ZZEF1: variants seen among roughly 807,000 people sequenced by gnomAD.
The protein encoded by ZZEF1 is zinc finger ZZ-type and EF-hand domain containing 1.
A neutral mutation model predicts 342.8 loss-of-function variants in ZZEF1; 157 were observed. That is an observed-to-expected ratio of 0.46 (90% CI 0.40 to 0.52). ZZEF1 has a LOEUF of 0.52. Ranked by LOEUF, ZZEF1 falls within the 20% of genes least tolerant of loss-of-function variation. ZZEF1 has a pLI of 0.00. For missense variants in ZZEF1, 3,480 were observed against 3,725.6 expected (o/e 0.93, Z 1.72); for synonymous variants, 1,505 against 1,429.1 (o/e 1.05, Z -1.20).
intron 4 of ZZEF1, 96 bp from the exon 5 acceptor site, chr17:4,112,904 A>G: frequency 9.1e-7 from 1 of 1,101,926 alleles, no homozygotes. Flanking sequence ...CATTTGATAT[A>G]TCCAAAGACT....
rs1188563262 is a variant in ZZEF1, at chr17:4,122,358, C to A, written c.499+1549G>T. On this transcript the variant is annotated intron_variant, in intron 2 of 54. Coordinates refer to ENST00000381638, the MANE Select transcript of ZZEF1 (RefSeq NM_015113.4). Reference sequence around the variant, plus strand: ...GTCTGAGCTCCCCCCCAAAAAAATACAAAAACACAGGCCATGTCTTTTCTT... The same window carrying A: ...GTCTGAGCTCCCCCCCAAAAAAATAAAAAAACACAGGCCATGTCTTTTCTT... Among the ~76,000 whole-genome samples the A allele has an allele frequency of 3.1e-4, 47 of 151,250 alleles. 1 individual carries two copies. Among genetic ancestry groups the A allele is most frequent in the Admixed American group, 3.1e-3 (47 of 15,202 alleles).
In ZZEF1 at chr17:4,008,773, G is replaced by T. The variant is rs1031097721; in HGVS notation, c.8805+110C>A. The T allele has an allele frequency of 1.4e-6, 2 of 1,472,988 alleles. No homozygotes were observed. The highest frequency in any genetic ancestry group is 1.8e-6 in the Non-Finnish European group (2 of 1,108,948). The allele number at this position is 1,472,988 out of a possible 1,614,324, so 91.2% of individuals were successfully genotyped here. ...TGGAACAAGCTCTGTGTAAGCTCCG[G>T]GTGGATTCTGTCCTACTCAGACGCA... On this transcript the variant is annotated intron_variant, in intron 54 of 54. Transcript: ENST00000381638. This position sits in a 1 kb window ranked among gnomAD's most constrained non-coding sequence, Gnocchi z 4.2.
intron 18 of ZZEF1, among the ~76,000 whole-genome samples, chr17:4,080,851 G>A (rs115004190): frequency 0.011 from 1,696 of 152,146 alleles, 28 homozygotes; most frequent in African/African-American, 0.04. Flanking sequence ...TGTTTTTATC[G>A]TTTGCTGACT....
chr17:4,081,028 G>C (rs755556832), intron 18 of ZZEF1, among the ~76,000 whole-genome samples: 1 of 152,028 alleles, frequency 6.6e-6, no homozygotes, highest in Non-Finnish European at 1.5e-5. Context: ...CTTGATTCCA[G>C]GAGTTCAAGA....
At chr17:4,074,084 G>C in intron 24 of ZZEF1, 66 bp downstream of exon 24, 1 of 1,572,446 alleles carries the variant, frequency 6.4e-7, no homozygotes, top group South Asian at 1.1e-5. Context: ...ACCTACAAGA[G>C]GGCAAGCGCG....
chr17:4,038,295 T>C (rs1332656651), intron 39 of ZZEF1, among the ~76,000 whole-genome samples: 1 of 152,204 alleles, frequency 6.6e-6, no homozygotes, highest in Non-Finnish European at 1.5e-5. Flanking sequence ...AGGCCAAGTT[T>C]GGCCTGCATT....
At chr17:4,038,757 G>C (rs949311949) in intron 39 of ZZEF1, among the ~76,000 whole-genome samples, 21 of 152,098 alleles carry the variant, frequency 1.4e-4, no homozygotes, top group African/African-American at 4.8e-4. Flanking sequence ...AGTGAGCCGA[G>C]ATTGCTCCAC....
intron 1 of ZZEF1, among the ~76,000 whole-genome samples, chr17:4,130,119 A>G (rs1240342994): frequency 6.6e-6 from 1 of 152,174 alleles, no homozygotes; most frequent in African/African-American, 2.4e-5. Flanking sequence ...TACCTCTATA[A>G]CAAAACTGCA....
In ZZEF1 at chr17:4,123,975, C is replaced by T. The variant is rs771405770; in HGVS notation, c.431G>A (p.Ser144Asn). Reference sequence around the variant, plus strand: ...CAGCTCCCCCTGAAGATTAGCTCCACTGGAATTCTTGAGGGCCTCCAACAT... The same window carrying T: ...CAGCTCCCCCTGAAGATTAGCTCCATTGGAATTCTTGAGGGCCTCCAACAT... ...ENMLEALKNSSGANLQGELSH... is the reference protein window; with the variant it reads ...ENMLEALKNSNGANLQGELSH... Residue 144 changes from serine to asparagine, a missense_variant, in exon 2 of 55, where the codon AGT becomes AAT. By Grantham distance (46) the Ser-to-Asn change is conservative. This residue lies in a region of ZZEF1 where 416 missense variants were observed against 374.2 expected (regional missense o/e 1.11). Transcript: ENST00000381638. The T allele has an allele frequency of 6.2e-7, 1 of 1,613,904 alleles. No homozygotes were observed. Among genetic ancestry groups the T allele is most frequent in the Admixed American group, 1.7e-5 (1 of 59,968 alleles).
chr17:4,082,592 A>C, intron 16 of ZZEF1, 88 bp from the exon 17 acceptor site: 1 of 1,238,834 alleles, frequency 8.1e-7, no homozygotes, highest in South Asian at 1.3e-5. Flanking sequence ...TCACCACCCC[A>C]CTGTTCTCAA....
At chr17:4,111,453 T>C (rs551156703) in intron 5 of ZZEF1, among the ~76,000 whole-genome samples, 1 of 152,112 alleles carries the variant, frequency 6.6e-6, no homozygotes, top group Admixed American at 6.5e-5. Flanking sequence ...AGGTCAGTAG[T>C]TCGAGACCAG....
rs1433127974 is a variant in ZZEF1, at chr17:4,142,667, G to A, written c.229C>T (p.Arg77Cys). Residue 77 changes from arginine to cysteine, a missense_variant, in exon 1 of 55, where the codon CGC becomes TGC. Arg to Cys is a radical substitution (Grantham distance 180). This residue lies in a region of ZZEF1 where 416 missense variants were observed against 374.2 expected (regional missense o/e 1.11). Coordinates refer to ENST00000381638, the MANE Select transcript of ZZEF1 (RefSeq NM_015113.4). ...PPCESLVSRHRGALFRWLEER... is the reference protein window; with the variant it reads ...PPCESLVSRHCGALFRWLEER... ...TCCAGCCAGCGAAACAACGCGCCGC[G>A]ATGCCTCGACACCAGCGACTCGCAG... is the stretch of plus-strand genomic sequence containing the variant. 1 of 1,607,436 alleles carries A rather than the reference G, an allele frequency of 6.2e-7. No individual in the cohort carries two copies. Among genetic ancestry groups the A allele is most frequent in the African/African-American group, 1.3e-5 (1 of 75,022 alleles).
intron 7 of ZZEF1, 107 bp from the exon 8 acceptor site, chr17:4,104,918 G>GC: frequency 1.1e-6 from 1 of 911,502 alleles, no homozygotes; most frequent in African/African-American, 1.7e-5. Context: ...CCTGCCATAT[G>GC]CTTTCTACAG....
Position 4,062,812 on chromosome 17 carries a change from G to C in ZZEF1, c.4824C>G (p.Phe1608Leu). Residue 1608 changes from phenylalanine to leucine, a missense_variant, in exon 30 of 55, where the codon TTC (phenylalanine) becomes TTG (leucine). Around this residue, in one of 5 missense-constraint regions of ZZEF1, gnomAD observed 1,528 missense variants for 1,624.1 expected, o/e 0.94. Coordinates refer to ENST00000381638, the MANE Select transcript of ZZEF1 (RefSeq NM_015113.4). Reference protein sequence around the residue: ...CAESLGQPHCFHPPFILFLLE... With the variant: ...CAESLGQPHCLHPPFILFLLE... Reference sequence around the variant, plus strand: ...ACAGGAAAAGTATGAAAGGTGGATGGAAGCAGTGGGGCTGCCCAAGGGATT... The same window carrying C: ...ACAGGAAAAGTATGAAAGGTGGATGCAAGCAGTGGGGCTGCCCAAGGGATT... The C allele has an allele frequency of 1.2e-6, 2 of 1,613,202 alleles. No individual in the cohort carries two copies. The highest frequency in any genetic ancestry group is 2.2e-5 in the South Asian group (2 of 90,884).
At chr17:4,117,233 G>A in intron 2 of ZZEF1, 67 bp from the exon 3 acceptor site, 1 of 1,316,826 alleles carries the variant, frequency 7.6e-7, no homozygotes, top group African/African-American at 1.5e-5. Flanking sequence ...CCCCTGCCTG[G>A]TGGCCTATCT....
chr17:4,142,876 T>A lies in ZZEF1; in HGVS notation c.20A>T (p.His7Leu). 7.3e-7 allele frequency: 1 copy of A among 1,375,034 alleles called. No homozygotes were observed. 85.2% of individuals were successfully genotyped at this position (1,375,034 alleles called of 1,614,324 possible). A position where few individuals can be genotyped will look rare whatever the true frequency, so the allele number is the denominator to read the frequency against. The change falls in exon 1 of 55, where the codon CAC becomes CTC. Residue 7 changes from histidine to leucine, a missense_variant. His to Leu is a moderately conservative substitution (Grantham distance 99, BLOSUM62 -3). Around this residue, in one of 5 missense-constraint regions of ZZEF1, gnomAD observed 416 missense variants for 374.2 expected, o/e 1.11. Coordinates refer to ENST00000381638, the MANE Select transcript of ZZEF1 (RefSeq NM_015113.4). MGNAPSHSSEDEAAAAG... is the reference protein window; with the variant it reads MGNAPSLSSEDEAAAAG... ...AGCTGCCGCTTCGTCTTCACTGCTG[T>A]GACTCGGAGCGTTCCCCATGGGGTC... is the stretch of plus-strand genomic sequence containing the variant.
chr17:4,093,988 A>C (rs1251364949), intron 11 of ZZEF1, among the ~76,000 whole-genome samples: 1 of 152,128 alleles, frequency 6.6e-6, no homozygotes, highest in Non-Finnish European at 1.5e-5. Flanking sequence ...TTCATGGGAC[A>C]CAGCTTTCCT....
chr17:4,111,826 G>A (rs1453767437), intron 5 of ZZEF1, among the ~76,000 whole-genome samples: 1 of 145,184 alleles, frequency 6.9e-6, no homozygotes, highest in African/African-American at 2.5e-5. Flanking sequence ...TAAAGGCCAG[G>A]AGTTTGAGAT....
At chr17:4,047,442 C>T (rs901567956) in intron 37 of ZZEF1, among the ~76,000 whole-genome samples, 5 of 151,802 alleles carry the variant, frequency 3.3e-5, no homozygotes, top group Non-Finnish European at 4.4e-5. Context: ...TCCAGGAGTT[C>T]GAGACCAACC....
Sources: allele counts gnomAD v4.1 joint callset (sites outside exome capture counted in the v4.1 genomes callset), GRCh38; gene constraint gnomAD v4.1.1; regional missense constraint gnomAD v4.1.1; non-coding constraint Gnocchi (gnomAD v3.1); transcripts MANE v1.5; gene names NCBI Gene and HGNC (gene_info 2026-07-23, HGNC 2026-07-21).